ARFGEF1: variants seen among roughly 807,000 people sequenced by gnomAD.
ARFGEF1 encodes ARF guanine nucleotide exchange factor 1.
Under a neutral mutation model 231.0 loss-of-function variants are expected in ARFGEF1, and 42 were observed. The ratio of observed to expected loss-of-function variants is 0.18; its 90% CI spans 0.14 to 0.24. ARFGEF1 has a LOEUF of 0.24. Ranked by LOEUF, ARFGEF1 falls within the 10% of genes least tolerant of loss-of-function variation. The pLI is 1.00. For synonymous variants in ARFGEF1, 710 were observed against 732.3 expected (o/e 0.97, Z 0.49); for missense variants, 1,345 against 2,192.0 (o/e 0.61, Z 7.72).
chr8:67,328,944 G>A (rs1807965795), intron 1 of ARFGEF1, among the ~76,000 whole-genome samples: 1 of 152,090 alleles, frequency 6.6e-6, no homozygotes, highest in African/African-American at 2.4e-5. Context: ...AAAAATTCAG[G>A]GCCAGGCCCA....
chr8:67,306,367 G>C (rs1806745561), intron 1 of ARFGEF1, among the ~76,000 whole-genome samples: 1 of 152,124 alleles, frequency 6.6e-6, no homozygotes, highest in African/African-American at 2.4e-5. Flanking sequence ...CTTAACAATT[G>C]CTTATTTATG....
chr8:67,317,260 C>T (rs1034351356), intron 1 of ARFGEF1, among the ~76,000 whole-genome samples: 1 of 152,136 alleles, frequency 6.6e-6, no homozygotes, highest in South Asian at 2.1e-4. Context: ...CTGTGAGTTG[C>T]TCTACGTAAC....
chr8:67,327,019 T>C (rs1031332413), intron 1 of ARFGEF1, among the ~76,000 whole-genome samples: 14 of 152,204 alleles, frequency 9.2e-5, no homozygotes, highest in Non-Finnish European at 1.9e-4. Flanking sequence ...AATACCCTAG[T>C]TAGGCATACT....
downstream of ARFGEF1, among the ~76,000 whole-genome samples, chr8:67,194,968 C>G (rs754968549): frequency 6.6e-6 from 1 of 151,962 alleles, no homozygotes; most frequent in Non-Finnish European, 1.5e-5. Context: ...TTCCCCAAAC[C>G]TTGCTTTAAA....
intron 1 of ARFGEF1, among the ~76,000 whole-genome samples, chr8:67,315,110 C>A (rs540062831): frequency 8.5e-5 from 13 of 152,114 alleles, no homozygotes; most frequent in African/African-American, 2.9e-4. Context: ...AGAAAGCAGG[C>A]GTGGCTGTAT....
At chr8:67,225,477 T>C (rs1168947538) in intron 28 of ARFGEF1, among the ~76,000 whole-genome samples, 2 of 152,218 alleles carry the variant, frequency 1.3e-5, no homozygotes, top group South Asian at 2.1e-4. Context: ...AAATCTACGA[T>C]ACATCACTTT....
chr8:67,187,929 T>C (rs974642156), intron 5 of ARFGEF1, among the ~76,000 whole-genome samples: 3 of 152,194 alleles, frequency 2.0e-5, no homozygotes, highest in African/African-American at 7.2e-5. Flanking sequence ...GTAAAACTCA[T>C]AGATGATAAC....
At chr8:67,177,552 C>G (rs1831993350) in intron 5 of ARFGEF1, 1 of 627,442 alleles carries the variant, frequency 1.6e-6, no homozygotes, top group Non-Finnish European at 2.9e-6. Context: ...CTTTAAAATA[C>G]TCTGAAGTGT....
At position 67,228,080 on chromosome 8, in the gene ARFGEF1, C is replaced by T. The variant is rs766327478; in HGVS notation, c.3474G>A (p.Thr1158=). 71 of 1,609,770 alleles carry T rather than the reference C, an allele frequency of 4.4e-5. No homozygotes were observed. The Middle Eastern group carries it at 5.0e-4, about 11-fold the overall frequency. The change falls in exon 25 of 39, where the codon ACG becomes ACA. Residue 1158 remains threonine (T), a synonymous_variant. Coordinates refer to ENST00000262215, the MANE Select transcript of ARFGEF1 (RefSeq NM_006421.5). ...CAVSMDELLS[T]THPRMFSLQK... The stretch of plus-strand genomic sequence containing the variant: ...GTAGACTAAACATTCTTGGGTGTGT[C>T]GTGGAAAGTAATTCATCCATAGACA...
At chr8:67,177,717 G>A in intron 5 of ARFGEF1, 1 of 1,610,906 alleles carries the variant, frequency 6.2e-7, no homozygotes, top group Non-Finnish European at 8.5e-7. Context: ...AAGTACGAGA[G>A]CAAAGAATGG....
chr8:67,241,175 G>GA (rs1298796886), intron 19 of ARFGEF1, among the ~76,000 whole-genome samples: 1 of 152,094 alleles, frequency 6.6e-6, no homozygotes, highest in Non-Finnish European at 1.5e-5. Flanking sequence ...CTAAACTTCA[G>GA]AAAGTTGAGA....
intron 14 of ARFGEF1, 42 bp downstream of exon 14, chr8:67,265,964 A>G: frequency 2.5e-6 from 4 of 1,590,342 alleles, no homozygotes; most frequent in Non-Finnish European, 3.4e-6. Context: ...ATACTGGCAG[A>G]GAGATATTCA....
At chr8:67,298,466 G>T (rs750106241) in intron 4 of ARFGEF1, among the ~76,000 whole-genome samples, 1 of 152,166 alleles carries the variant, frequency 6.6e-6, no homozygotes, top group Non-Finnish European at 1.5e-5. Context: ...GAGAATTGGC[G>T]GATAAGTAGT....
chr8:67,270,211 T>C (rs1036674231), intron 10 of ARFGEF1, among the ~76,000 whole-genome samples: 4 of 152,208 alleles, frequency 2.6e-5, no homozygotes, highest in Admixed American at 1.3e-4. Context: ...AACAGACATA[T>C]GGCAAACTCT....
intron 1 of ARFGEF1, among the ~76,000 whole-genome samples, chr8:67,332,940 T>C (rs1808166832): frequency 6.6e-6 from 1 of 152,124 alleles, no homozygotes; most frequent in African/African-American, 2.4e-5. Flanking sequence ...TGAGATAAAG[T>C]CAATGAAGTA....
Position 67,258,217 on chromosome 8 carries a change from T to G in ARFGEF1, c.2309A>C (p.His770Pro). The change falls in exon 16 of 39, where the codon CAT (histidine) becomes CCT (proline). Residue 770 changes from histidine to proline, a missense_variant. By Grantham distance (77) the His-to-Pro change is moderately conservative. Transcript: ENST00000262215. Reference sequence around the variant, plus strand: ...AACGAAGTCTTTTCCTGAAAAGTCATGTTGGTCCACATATGCATACATGAC... The same window carrying G: ...AACGAAGTCTTTTCCTGAAAAGTCAGGTTGGTCCACATATGCATACATGAC... ...KEVMYAYVDQ[H>P]DFSGKDFVSA... 1 of 1,611,998 alleles carries G rather than the reference T, an allele frequency of 6.2e-7. No homozygotes were observed. The highest frequency in any genetic ancestry group is 2.2e-5 in the East Asian group (1 of 44,860).
chr8:67,280,598 TAA>T (rs1805493939), intron 7 of ARFGEF1, among the ~76,000 whole-genome samples: 1 of 152,114 alleles, frequency 6.6e-6, no homozygotes, highest in Non-Finnish European at 1.5e-5. Context: ...GTAGAATATA[TAA>T]AAAGTGTACA....
chr8:67,327,504 T>C (rs1807889965), intron 1 of ARFGEF1, among the ~76,000 whole-genome samples: 1 of 151,886 alleles, frequency 6.6e-6, no homozygotes, highest in South Asian at 2.1e-4. Context: ...ATTTTTACTA[T>C]AGATGGGGTT....
chr8:67,251,488 A>G (rs925559817), intron 18 of ARFGEF1, 38 bp from the exon 19 acceptor site: 1 of 1,509,890 alleles, frequency 6.6e-7, no homozygotes, highest in African/African-American at 1.4e-5. Context: ...TAAATATAAA[A>G]CATTTAAGAA....
Sources: allele counts gnomAD v4.1 joint callset (sites outside exome capture counted in the v4.1 genomes callset), GRCh38; gene constraint gnomAD v4.1.1; transcripts MANE v1.5; gene names NCBI Gene and HGNC (gene_info 2026-07-23, HGNC 2026-07-21).